MARVELD2: variants seen among roughly 807,000 people sequenced by gnomAD.
MARVELD2 encodes the protein MARVEL domain containing 2.
In MARVELD2, 49 loss-of-function variants were observed where a neutral mutation model predicts 57.6. That is an observed-to-expected ratio of 0.85 (90% confidence interval 0.68 to 1.08). MARVELD2 has a LOEUF of 1.08. Ranked by LOEUF, MARVELD2 falls within the 50% of genes least tolerant of loss-of-function variation. The pLI, the probability that MARVELD2 is intolerant of heterozygous loss-of-function variation, is 0.00. For missense variants in MARVELD2, 606 were observed against 701.1 expected (o/e 0.86, Z 1.53); for synonymous variants, 238 against 258.8 (o/e 0.92, Z 0.77).
intron 3 of MARVELD2, among the ~76,000 whole-genome samples, chr5:69,425,955 G>T (rs1766778266): frequency 6.6e-6 from 1 of 151,690 alleles, no homozygotes; most frequent in East Asian, 1.9e-4. Flanking sequence ...ACGAGGTCAG[G>T]ATGTTCTCGA....
At position 69,420,410 on chromosome 5, in the gene MARVELD2, T is replaced by G. The variant is rs1397795639; in HGVS notation, c.1025T>G (p.Ile342Arg). The change falls in exon 2 of 7, where the codon ATA (isoleucine) becomes AGA (arginine). Residue 342 changes from isoleucine (I) to arginine (R), a missense_variant. Physicochemically the swap from Ile to Arg is moderately conservative, Grantham distance 97. Transcript: ENST00000325631. ...AVFCRVEGGQ[I>R]AAMIFLFVTM... ...TTCTGCCGGGTAGAAGGAGGACAGA[T>G]AGCTGCAATGATCTTCCTGTTTGTC... 6.2e-7 allele frequency: 1 copy of G among 1,614,084 alleles called. No individual in the cohort carries two copies. Among genetic ancestry groups the G allele is most frequent in the Non-Finnish European group, 8.5e-7 (1 of 1,180,034 alleles).
chr5:69,435,491 T>G (rs1372275000), intron 5 of MARVELD2, among the ~76,000 whole-genome samples: 1 of 151,928 alleles, frequency 6.6e-6, no homozygotes, highest in African/African-American at 2.4e-5. Context: ...TGGTGGCTCA[T>G]GCCTGTAATC....
chr5:69,427,636 G>C (rs1766833092), intron 3 of MARVELD2, among the ~76,000 whole-genome samples: 1 of 152,152 alleles, frequency 6.6e-6, no homozygotes, highest in Non-Finnish European at 1.5e-5. Flanking sequence ...ACTAGTTTTT[G>C]CTGGAAGCAA....
At chr5:69,433,150 T>TG in intron 5 of MARVELD2, 57 bp downstream of exon 5, 2 of 922,924 alleles carry the variant, frequency 2.2e-6, no homozygotes, top group Non-Finnish European at 3.3e-6. Context: ...GAATAAAATC[T>TG]GGCTTTTTTT....
intron 5 of MARVELD2, among the ~76,000 whole-genome samples, chr5:69,439,909 C>T (rs763303878): frequency 4.6e-5 from 7 of 151,972 alleles, no homozygotes; most frequent in Non-Finnish European, 7.4e-5. Flanking sequence ...TAACAAAGTT[C>T]GTATTTATTA....
intron 1 of MARVELD2, chr5:69,415,495 G>C (rs1219919699): frequency 6.6e-6 from 1 of 152,230 alleles, no homozygotes; most frequent in Non-Finnish European, 1.5e-5. Flanking sequence ...GTTTCAGCCA[G>C]AAACGCGAAG....
chr5:69,417,938 CAAAA>C (rs759672131), intron 1 of MARVELD2, among the ~76,000 whole-genome samples: 3 of 93,140 alleles, frequency 3.2e-5, no homozygotes, highest in Admixed American at 1.2e-4. Flanking sequence ...GACTCTGTCT[CAAAA>C]AAAAAAAAAA....
intron 1 of MARVELD2, among the ~76,000 whole-genome samples, chr5:69,417,884 A>G (rs1433568822): frequency 6.6e-6 from 1 of 150,700 alleles, no homozygotes; most frequent in African/African-American, 2.4e-5. Flanking sequence ...GCTTGCAGTG[A>G]GCCGAGATGG....
chr5:69,419,215 C>G, intron 1 of MARVELD2, 156 bp from the exon 2 acceptor site: 1 of 814,844 alleles, frequency 1.2e-6, no homozygotes, highest in Non-Finnish European at 2.0e-6. Flanking sequence ...CATGAGCCAC[C>G]GTGCCCGGTA....
intron 5 of MARVELD2, 49 bp downstream of exon 5, chr5:69,433,142 A>G: frequency 7.0e-7 from 1 of 1,429,560 alleles, no homozygotes; most frequent in Non-Finnish European, 9.6e-7. Context: ...TAGAGGATGA[A>G]TAAAATCTGG....
rs973938342 is a variant in MARVELD2, at chr5:69,442,478, C to T, written c.*824C>T. 9.2e-5 allele frequency: 14 copies of T among 152,134 alleles called. No homozygotes were observed. Among genetic ancestry groups the T allele is most frequent in the African/African-American group, 2.9e-4 (12 of 41,426 alleles). 9.4% of individuals were successfully genotyped at this position (152,134 alleles called of 1,614,324 possible). ...TGTAAAATGGGGCTAATAATAGTTCCTTCCTCATAGAGTTGTTAGGATTAA... is the reference window on the plus strand; with the variant it reads ...TGTAAAATGGGGCTAATAATAGTTCTTTCCTCATAGAGTTGTTAGGATTAA... On this transcript the variant is annotated 3_prime_UTR_variant, in exon 7 of 7. Coordinates refer to ENST00000325631, the MANE Select transcript of MARVELD2 (RefSeq NM_001038603.3).
intron 3 of MARVELD2, among the ~76,000 whole-genome samples, chr5:69,428,080 C>G (rs377284691): frequency 2.6e-5 from 4 of 151,454 alleles, no homozygotes; most frequent in Non-Finnish European, 5.9e-5. Context: ...CACTGCACTC[C>G]AGCCTGGGTG....
chr5:69,426,576 A>T (rs1766801547), intron 3 of MARVELD2, among the ~76,000 whole-genome samples: 1 of 151,354 alleles, frequency 6.6e-6, no homozygotes, highest in Non-Finnish European at 1.5e-5. Context: ...CTCGTGATCC[A>T]CCCGCCTTAG....
At chr5:69,425,759 G>T (rs1446304844) in intron 3 of MARVELD2, among the ~76,000 whole-genome samples, 10 of 147,718 alleles carry the variant, frequency 6.8e-5, no homozygotes, top group Non-Finnish European at 1.5e-4. Flanking sequence ...TTGAGATGGA[G>T]TCTCTGTCGC....
chr5:69,420,641 C>T (rs186628098), intron 2 of MARVELD2, 110 bp downstream of exon 2: 8 of 1,009,008 alleles, frequency 7.9e-6, no homozygotes, highest in Admixed American at 5.2e-5. Context: ...TCATAGAAAT[C>T]TTTTCTTTCT....
chr5:69,431,830 CTTT>C (rs904263527), intron 3 of MARVELD2, among the ~76,000 whole-genome samples: 13 of 97,850 alleles, frequency 1.3e-4, no homozygotes, highest in African/African-American at 2.5e-4. Flanking sequence ...TCTTCTTCTT[CTTT>C]TTTTTTTTTT....
intron 3 of MARVELD2, among the ~76,000 whole-genome samples, chr5:69,430,690 C>T (rs1332425025): frequency 1.3e-5 from 2 of 151,414 alleles, no homozygotes; most frequent in South Asian, 2.1e-4. Context: ...CACACCACCA[C>T]ATCCGGCTAA....
Position 69,425,433 on chromosome 5 carries a change from G to A in MARVELD2, c.1182+797G>A, listed in dbSNP as rs923256176. Among the ~76,000 whole-genome samples the A allele has an allele frequency of 3.4e-5, 5 of 147,106 alleles. No individual in the cohort carries two copies. In the South Asian group the frequency reaches 1.1e-3, roughly 31 times the overall value. ...TATATTAAAAAAAAAAAAAGAAATT[G>A]TAGCTGTTACATCGAGTTCATATTA... On this transcript the variant is annotated intron_variant, in intron 3 of 6. Transcript: ENST00000325631.
At chr5:69,428,940 C>T (rs571880440) in intron 3 of MARVELD2, among the ~76,000 whole-genome samples, 4 of 152,158 alleles carry the variant, frequency 2.6e-5, no homozygotes, top group Non-Finnish European at 5.9e-5. Context: ...TACCATTATT[C>T]GTTTTCAAGA....
Sources: gnomAD v4.1 joint callset for allele counts (sites outside exome capture counted in the v4.1 genomes callset) on GRCh38, gnomAD v4.1.1 for gene constraint, MANE v1.5 for transcripts, NCBI Gene and HGNC (gene_info 2026-07-23, HGNC 2026-07-21) for gene names.